Variants in KIFAP3 observed in about 807,000 individuals in gnomAD.
KIFAP3 encodes the protein kinesin-associated protein 3.
KIFAP3 carries 68 observed loss-of-function variants against 106.5 expected under a neutral mutation model. The ratio of observed to expected loss-of-function variants is 0.64; its 90% CI spans 0.53 to 0.78. The LOEUF is 0.78. KIFAP3 is among the 30% of genes least tolerant of loss of function. The pLI is 0.00. For missense variants in KIFAP3, 780 were observed against 941.8 expected (o/e 0.83, Z 2.25); for synonymous variants, 320 against 311.5 (o/e 1.03, Z -0.29).
intron 16 of KIFAP3, 59 bp downstream of exon 16, chr1:169,978,026 G>T: frequency 8.3e-6 from 8 of 968,926 alleles, no homozygotes; most frequent in Non-Finnish European, 9.5e-6. Context: ...ACAACTCAAA[G>T]ATGCATCTTT....
chr1:170,034,056 T>C (rs750835828), intron 7 of KIFAP3, among the ~76,000 whole-genome samples: 1 of 151,844 alleles, frequency 6.6e-6, no homozygotes, highest in Non-Finnish European at 1.5e-5. Flanking sequence ...AGGCTTCAAC[T>C]AACCAAAGGA....
intron 6 of KIFAP3, 107 bp downstream of exon 6, chr1:170,035,345 GAC>G (rs1669631014): frequency 1.7e-6 from 1 of 602,402 alleles, no homozygotes; most frequent in Non-Finnish European, 2.9e-6. Context: ...AGCATAGGCA[GAC>G]ACACAGAAAA....
At chr1:170,074,790 A>AG, upstream of KIFAP3, 1 of 1,202,712 alleles carries the variant, frequency 8.3e-7, no homozygotes, top group Non-Finnish European at 1.0e-6. Flanking sequence ...CGCACCGGGG[A>AG]GCCGAGCAGG....
rs145406203 is a variant in KIFAP3 at position 169,973,105 on chromosome 1, G to GTGTGTATA, written c.1898-508_1898-507insTATACACA. Among the ~76,000 whole-genome samples the GTGTGTATA allele has an allele frequency of 9.7e-4, 88 of 90,316 alleles. 7 individuals are homozygous for GTGTGTATA. Among genetic ancestry groups the GTGTGTATA allele is most frequent in the South Asian group, 4.7e-3 (10 of 2,148 alleles). The allele number at this position is 90,316 out of a possible 152,430, so 59.3% of individuals were successfully genotyped here. A position where few individuals can be genotyped will look rare whatever the true frequency, so the allele number is the denominator to read the frequency against. ...ATAAAAATAATTTAAAAAATAGTGT[G>GTGTGTATA]TATATATATATATATATAAACAACA... On this transcript the variant is annotated intron_variant, in intron 16 of 19. Coordinates refer to ENST00000361580, the MANE Select transcript of KIFAP3 (RefSeq NM_014970.4).
At chr1:169,955,825 C>T (rs1664985953) in intron 18 of KIFAP3, among the ~76,000 whole-genome samples, 1 of 151,914 alleles carries the variant, frequency 6.6e-6, no homozygotes, top group Non-Finnish European at 1.5e-5. Context: ...GTTTTTATGT[C>T]CACTAGAAGT....
At position 170,003,811 on chromosome 1, in the gene KIFAP3, GC is replaced by G. The variant is rs200252752; in HGVS notation, c.1184-11557del. On this transcript the variant is annotated intron_variant, in intron 10 of 19. Transcript: ENST00000361580. ...TTGAAAACTGGCACAAGACAGGGAT[GC>G]CCTCTCTTACCACTCCAATTCAATG... Among the ~76,000 whole-genome samples, 450 of 152,338 alleles carry G rather than the reference GC, an allele frequency of 3.0e-3. 1 individual carries two copies. The highest frequency in any genetic ancestry group is 8.9e-3 in the African/African-American group (372 of 41,570).
chr1:170,040,078 T>C (rs1166697353), intron 3 of KIFAP3, among the ~76,000 whole-genome samples: 3 of 152,168 alleles, frequency 2.0e-5, no homozygotes, highest in Non-Finnish European at 4.4e-5. Flanking sequence ...AATTAGTCAT[T>C]ATTTTCAGAG....
At chr1:170,047,930 T>C (rs1670346841) in intron 2 of KIFAP3, among the ~76,000 whole-genome samples, 1 of 152,168 alleles carries the variant, frequency 6.6e-6, no homozygotes, top group African/African-American at 2.4e-5. Context: ...AATGCTCCCA[T>C]GCAAGGTTCT....
chr1:170,014,673 C>T (rs1281483445), intron 10 of KIFAP3, among the ~76,000 whole-genome samples: 8 of 152,092 alleles, frequency 5.3e-5, no homozygotes, highest in Admixed American at 3.9e-4. Flanking sequence ...AATTGAAATG[C>T]ATATTCAAGA....
In KIFAP3 at chr1:170,047,614, C is replaced by G. The variant is rs529151206; in HGVS notation, c.165-748G>C. On this transcript the variant is annotated intron_variant, in intron 2 of 19. Transcript: ENST00000361580. Reference sequence around the variant, plus strand: ...CCAGCCTGTGTGACAGGGCGAGGCTCTGTCTCAAAAAAAAAAAAAAAAAAA... The same window carrying G: ...CCAGCCTGTGTGACAGGGCGAGGCTGTGTCTCAAAAAAAAAAAAAAAAAAA... Among the ~76,000 whole-genome samples the G allele has an allele frequency of 4.8e-5, 5 of 104,764 alleles. No individual in the cohort carries two copies. The South Asian group carries it at 1.7e-3, about 36-fold the overall frequency. 68.7% of individuals were successfully genotyped at this position (104,764 alleles called of 152,430 possible). A position where few individuals can be genotyped will look rare whatever the true frequency, so the allele number is the denominator to read the frequency against.
At position 170,018,908 on chromosome 1, in the gene KIFAP3, C is replaced by T. The variant is rs907442801; in HGVS notation, c.1021-2284G>A. Among the ~76,000 whole-genome samples the T allele has an allele frequency of 2.0e-5, 3 of 152,100 alleles. No individual in the cohort carries two copies. In the East Asian group the frequency reaches 5.8e-4, roughly 29 times the overall value. On this transcript the variant is annotated intron_variant, in intron 9 of 19. Coordinates refer to ENST00000361580, the MANE Select transcript of KIFAP3 (RefSeq NM_014970.4). Reference sequence around the variant, plus strand: ...GAGCTGTTCATTATAGAGTATAATTCTATTGCCAAAGACTTCCAAAAATCA... The same window carrying T: ...GAGCTGTTCATTATAGAGTATAATTTTATTGCCAAAGACTTCCAAAAATCA...
intron 15 of KIFAP3, among the ~76,000 whole-genome samples, chr1:169,981,743 G>A (rs1468019034): frequency 6.6e-6 from 1 of 152,074 alleles, no homozygotes; most frequent in Non-Finnish European, 1.5e-5. Context: ...AATTGGTCCT[G>A]AACTGCTTTA....
chr1:169,923,402 T>C (rs1336190588), intron 19 of KIFAP3, among the ~76,000 whole-genome samples: 1 of 152,192 alleles, frequency 6.6e-6, no homozygotes, highest in Non-Finnish European at 1.5e-5. Flanking sequence ...AGAGAAGTTA[T>C]TGAAAACTGT....
At chr1:169,956,134 T>A (rs1306611805) in intron 18 of KIFAP3, among the ~76,000 whole-genome samples, 1 of 152,098 alleles carries the variant, frequency 6.6e-6, no homozygotes, top group African/African-American at 2.4e-5. Flanking sequence ...AACCTGCCAA[T>A]TTTAGAGGAA....
intron 19 of KIFAP3, among the ~76,000 whole-genome samples, chr1:169,934,749 C>G (rs374709116): frequency 1.2e-4 from 18 of 152,194 alleles, no homozygotes; most frequent in African/African-American, 2.6e-4. Flanking sequence ...GGGTTTTAGA[C>G]AGTATTCTGA....
chr1:170,050,461 G>T (rs1045330664), intron 2 of KIFAP3, among the ~76,000 whole-genome samples: 4 of 152,222 alleles, frequency 2.6e-5, no homozygotes, highest in Middle Eastern at 3.4e-3. Context: ...TAGCAAGACA[G>T]GCCAACATTC....
At chr1:170,075,836 T>C (rs914110303), upstream of KIFAP3, among the ~76,000 whole-genome samples, 2 of 152,224 alleles carry the variant, frequency 1.3e-5, no homozygotes, top group Admixed American at 6.5e-5. Flanking sequence ...CCAGTTTTTT[T>C]CTACATTCTT....
chr1:170,038,223 T>G (rs1669784447), intron 5 of KIFAP3, 67 bp downstream of exon 5: 2 of 1,262,430 alleles, frequency 1.6e-6, no homozygotes, highest in South Asian at 3.1e-5. Flanking sequence ...ATATGAAGTC[T>G]TAAGTTTTGT....
At position 169,921,664 on chromosome 1, in the gene KIFAP3, A is replaced by G; in HGVS notation, c.*12T>C. ...TTCTAAGCTGAGATTACACATGGAA[A>G]CAGATACTTTATCAAGATCCATAGC... On this transcript the variant is annotated 3_prime_UTR_variant, in exon 20 of 20. Coordinates refer to ENST00000361580, the MANE Select transcript of KIFAP3 (RefSeq NM_014970.4). 6.3e-7 allele frequency: 1 copy of G among 1,598,462 alleles called. No individual in the cohort carries two copies.
Sources: gnomAD v4.1 joint callset for allele counts (sites outside exome capture counted in the v4.1 genomes callset) on GRCh38, gnomAD v4.1.1 for gene constraint, MANE v1.5 for transcripts, NCBI Gene and HGNC (gene_info 2026-07-23, HGNC 2026-07-21) for gene names.